PLA2G4A: variants seen among roughly 807,000 people sequenced by gnomAD.
PLA2G4A encodes phospholipase A2 group IVA.
In PLA2G4A, 40 loss-of-function variants were observed where a neutral mutation model predicts 81.9. That is an observed-to-expected ratio of 0.49 (90% confidence interval 0.38 to 0.64). PLA2G4A has a LOEUF of 0.64. Among genes scored for constraint, PLA2G4A ranks in the 30% least tolerant of loss-of-function variants. The probability of loss-of-function intolerance (pLI) is 0.00; values close to 1 mark genes in which losing one functional copy is unlikely to be tolerated. For missense variants in PLA2G4A, 715 were observed against 905.1 expected (o/e 0.79, Z 2.69); for synonymous variants, 302 against 296.9 (o/e 1.02, Z -0.18).
In PLA2G4A at chr1:186,988,593, T is replaced by C. The variant is rs1340879578; in HGVS notation, c.*85T>C. ...ACTGGATTTAAAAGTACAGTACAGATAGTCGTACTGATCATGAGAGACTGG... is the reference window on the plus strand; with the variant it reads ...ACTGGATTTAAAAGTACAGTACAGACAGTCGTACTGATCATGAGAGACTGG... On this transcript the variant is annotated 3_prime_UTR_variant, in exon 18 of 18. Coordinates refer to ENST00000367466, the MANE Select transcript of PLA2G4A (RefSeq NM_024420.3). The C allele has an allele frequency of 2.6e-6, 3 of 1,176,032 alleles. No individual in the cohort carries two copies. Among genetic ancestry groups the C allele is most frequent in the Non-Finnish European group, 3.8e-6 (3 of 790,406 alleles). 72.8% of individuals were successfully genotyped at this position (1,176,032 alleles called of 1,614,324 possible).
rs765684151 is a variant in PLA2G4A at position 186,940,068 on chromosome 1, C to T, written c.1007C>T (p.Pro336Leu). ...CTTTTCACCTGTCTTCATGTCAAAC[C>T]TGACGTTTCAGAGCTGATGTTTGCA... ...LPLFTCLHVK[P>L]DVSELMFADW... Residue 336 changes from proline to leucine, a missense_variant, in exon 10 of 18, where the codon CCT (proline) becomes CTT (leucine). Transcript: ENST00000367466. The T allele has an allele frequency of 6.2e-7, 1 of 1,603,532 alleles. No individual in the cohort carries two copies.
At chr1:186,914,283 T>C (rs1054858002) in intron 7 of PLA2G4A, among the ~76,000 whole-genome samples, 3 of 151,732 alleles carry the variant, frequency 2.0e-5, no homozygotes, top group Non-Finnish European at 2.9e-5. Context: ...TTTTTCTTTC[T>C]AGAGATGGGG....
At chr1:186,911,047 T>C (rs762434368) in intron 6 of PLA2G4A, among the ~76,000 whole-genome samples, 17 of 152,344 alleles carry the variant, frequency 1.1e-4, no homozygotes, top group Non-Finnish European at 1.8e-4. Flanking sequence ...GTCCTTTTTC[T>C]CTGAAAACAT....
At chr1:186,847,639 AACTT>A in intron 1 of PLA2G4A, among the ~76,000 whole-genome samples, 1 of 152,266 alleles carries the variant, frequency 6.6e-6, no homozygotes, top group Non-Finnish European at 1.5e-5. Flanking sequence ...TAATATATAA[AACTT>A]ACCCACTTCA....
At chr1:186,931,659 CTA>C (rs2102201389) in intron 7 of PLA2G4A, among the ~76,000 whole-genome samples, 1 of 151,990 alleles carries the variant, frequency 6.6e-6, no homozygotes, top group African/African-American at 2.4e-5. Flanking sequence ...TATCTTATGA[CTA>C]TACAATCTTT....
chr1:186,869,513 T>G (rs1653161742), intron 2 of PLA2G4A, among the ~76,000 whole-genome samples: 1 of 152,198 alleles, frequency 6.6e-6, no homozygotes, highest in East Asian at 1.9e-4. Context: ...TGTCCATATA[T>G]TCTACTACTG....
intron 3 of PLA2G4A, among the ~76,000 whole-genome samples, chr1:186,882,871 A>T (rs1653785474): frequency 6.6e-6 from 1 of 152,076 alleles, no homozygotes; most frequent in Non-Finnish European, 1.5e-5. Context: ...TTAGAGACAG[A>T]TTGGATATTT....
chr1:186,844,661 A>G (rs188819032), intron 1 of PLA2G4A, among the ~76,000 whole-genome samples: 3 of 152,338 alleles, frequency 2.0e-5, no homozygotes, highest in South Asian at 4.1e-4. Flanking sequence ...AGGGAGGGAT[A>G]GCATTAGGAG....
chr1:186,971,980 A>G (rs568775423), intron 15 of PLA2G4A, among the ~76,000 whole-genome samples: 21 of 152,224 alleles, frequency 1.4e-4, no homozygotes, highest in African/African-American at 4.8e-4. Context: ...AAAAAATTAG[A>G]ACTATTGACT....
chr1:186,881,001 T>C (rs1372336619), intron 3 of PLA2G4A, among the ~76,000 whole-genome samples: 1 of 152,046 alleles, frequency 6.6e-6, no homozygotes, highest in African/African-American at 2.4e-5. Context: ...ATCAACATCT[T>C]TGCAATAAAT....
intron 15 of PLA2G4A, among the ~76,000 whole-genome samples, chr1:186,968,192 A>G (rs1257824641): frequency 6.6e-6 from 1 of 152,020 alleles, no homozygotes; most frequent in African/African-American, 2.4e-5. Flanking sequence ...CCACCACCTT[A>G]ATGAGTTGGA....
intron 2 of PLA2G4A, among the ~76,000 whole-genome samples, chr1:186,863,633 T>C (rs931913778): frequency 1.3e-5 from 2 of 152,138 alleles, no homozygotes; most frequent in Non-Finnish European, 2.9e-5. Context: ...TCCCCCATTT[T>C]CTCCTTCCTC....
chr1:186,892,974 T>C (rs889751822), intron 3 of PLA2G4A, 37 bp from the exon 4 acceptor site: 1 of 1,532,526 alleles, frequency 6.5e-7, no homozygotes, highest in South Asian at 1.1e-5. Flanking sequence ...ATGAATCACA[T>C]TTCTACCTCC....
chr1:186,863,268 A>C (rs987998158), intron 2 of PLA2G4A, among the ~76,000 whole-genome samples: 1 of 152,152 alleles, frequency 6.6e-6, no homozygotes, highest in African/African-American at 2.4e-5. Context: ...TATTAACATT[A>C]ATATTTTCTT....
intron 1 of PLA2G4A, among the ~76,000 whole-genome samples, chr1:186,848,924 T>C (rs989336952): frequency 3.3e-5 from 5 of 152,040 alleles, no homozygotes; most frequent in Admixed American, 3.3e-4. Context: ...TGGTTATGAA[T>C]GAAGTTGCTG....
chr1:186,876,923 C>G (rs1377837197), intron 3 of PLA2G4A, among the ~76,000 whole-genome samples: 1 of 152,084 alleles, frequency 6.6e-6, no homozygotes, highest in Non-Finnish European at 1.5e-5. Flanking sequence ...GGGCGACCTG[C>G]TTAATCCTCT....
rs187673045 is a variant in PLA2G4A, at chr1:186,833,676, G to T, written c.-70+4641G>T. Reference sequence around the variant, plus strand: ...TTTGCTATGTGATTCTAAGTTTTTTGATTCTTTTTGTGATTCTTAGTGCAA... The same window carrying T: ...TTTGCTATGTGATTCTAAGTTTTTTTATTCTTTTTGTGATTCTTAGTGCAA... On this transcript the variant is annotated intron_variant, in intron 1 of 17. Transcript: ENST00000367466. Among the ~76,000 whole-genome samples the T allele has an allele frequency of 2.1e-3, 322 of 152,176 alleles. 1 individual carries two copies. Among genetic ancestry groups the T allele is most frequent in the South Asian group, 3.3e-3 (16 of 4,822 alleles).
chr1:186,982,416 T>C (rs143659397), intron 17 of PLA2G4A, among the ~76,000 whole-genome samples: 3 of 152,300 alleles, frequency 2.0e-5, no homozygotes, highest in African/African-American at 7.2e-5. Context: ...GAATGTTTAA[T>C]TGGGTGATGC....
At chr1:186,836,273 C>A (rs1032196170) in intron 1 of PLA2G4A, among the ~76,000 whole-genome samples, 9 of 150,600 alleles carry the variant, frequency 6.0e-5, no homozygotes, top group Admixed American at 3.3e-4. Context: ...ATTCAATACA[C>A]CATATATTAC....
Sources: gnomAD v4.1 joint callset for allele counts (sites outside exome capture counted in the v4.1 genomes callset) on GRCh38, gnomAD v4.1.1 for gene constraint, MANE v1.5 for transcripts, NCBI Gene and HGNC (gene_info 2026-07-23, HGNC 2026-07-21) for gene names.